The following RASEF variants were observed in gnomAD, a reference collection of about 807,000 sequenced individuals.
The protein encoded by RASEF is ras and EF-hand domain-containing protein.
RASEF carries 68 observed loss-of-function variants against 90.1 expected under a neutral mutation model. That is an observed-to-expected ratio of 0.75 (90% CI 0.62 to 0.92). RASEF has a LOEUF of 0.92. Ranked by LOEUF, RASEF falls within the 40% of genes least tolerant of loss-of-function variation. The pLI is 0.00. For missense variants in RASEF, 949 were observed against 937.2 expected (o/e 1.01, Z -0.16); for synonymous variants, 331 against 345.2 (o/e 0.96, Z 0.46).
chr9:83,062,774 C>G lies in RASEF; in HGVS notation c.94G>C (p.Glu32Gln). The G allele has an allele frequency of 1.3e-6, 2 of 1,559,186 alleles. No homozygotes were observed. The highest frequency in any genetic ancestry group is 1.7e-6 in the Non-Finnish European group (2 of 1,162,140). Reference sequence around the variant, plus strand: ...AGCTCCGTGCACAGTGCCCGGAACTCCTCGCGCTCCAGGCGCCCCGAGCGG... The same window carrying G: ...AGCTCCGTGCACAGTGCCCGGAACTGCTCGCGCTCCAGGCGCCCCGAGCGG... ...ANRSGRLERE[E>Q]FRALCTELRV... The change falls in exon 1 of 17, where the codon GAG (glutamate) becomes CAG (glutamine). Residue 32 changes from glutamate to glutamine, a missense_variant. By Grantham distance (29) the Glu-to-Gln change is conservative. Transcript: ENST00000376447.
In RASEF at chr9:83,062,941, C is replaced by T; in HGVS notation, c.-74G>A. 1 of 1,341,648 alleles carries T rather than the reference C, an allele frequency of 7.5e-7. No homozygotes were observed. The highest frequency in any genetic ancestry group is 9.6e-7 in the Non-Finnish European group (1 of 1,046,884). 83.1% of individuals were successfully genotyped at this position (1,341,648 alleles called of 1,614,324 possible). On this transcript the variant is annotated 5_prime_UTR_variant, in exon 1 of 17. Transcript: ENST00000376447. ...AGGGCCCTCCCTGGAAGGACGGGGC[C>T]ACCTGCTGCCGCCGGGAGGCCCGGC...
intron 1 of RASEF, among the ~76,000 whole-genome samples, chr9:83,042,165 G>A (rs1425211596): frequency 6.6e-6 from 1 of 151,792 alleles, no homozygotes; most frequent in Non-Finnish European, 1.5e-5. Context: ...ATACCCTCTG[G>A]GCAGCAAAAT....
intron 1 of RASEF, among the ~76,000 whole-genome samples, chr9:83,046,905 A>T (rs557912534): frequency 4.6e-4 from 70 of 152,352 alleles, no homozygotes; most frequent in African/African-American, 1.7e-3. Flanking sequence ...CGGATTTCAG[A>T]ATAAATAACT....
At chr9:83,218,106 G>C in the RASEF span, among the ~76,000 whole-genome samples, 1 of 152,164 alleles carries the variant, frequency 6.6e-6, no homozygotes, top group Non-Finnish European at 1.5e-5. Context: ...ACAGCTTACT[G>C]ATAAATGAGT....
chr9:83,164,418 G>A, the RASEF span, among the ~76,000 whole-genome samples: 3 of 146,482 alleles, frequency 2.0e-5, no homozygotes, highest in Non-Finnish European at 4.5e-5. Flanking sequence ...ATAAGGGATG[G>A]GAGGGAGAAA....
the RASEF span, among the ~76,000 whole-genome samples, chr9:83,209,863 T>C: frequency 1.3e-5 from 2 of 152,184 alleles, no homozygotes; most frequent in African/African-American, 2.4e-5. Flanking sequence ...TGACCCCTGT[T>C]TAGTGTTCTC....
chr9:83,174,758 G>T, the RASEF span, among the ~76,000 whole-genome samples: 1 of 152,094 alleles, frequency 6.6e-6, no homozygotes, highest in South Asian at 2.1e-4. Context: ...ATGAACATGA[G>T]ATGTCTTTCC....
intron 16 of RASEF, among the ~76,000 whole-genome samples, chr9:82,989,114 A>C (rs1828765900): frequency 6.6e-6 from 1 of 152,218 alleles, no homozygotes; most frequent in African/African-American, 2.4e-5. Flanking sequence ...AAGTGAGGGC[A>C]ACAGTTTATC....
At chr9:83,139,309 A>T in the RASEF span, among the ~76,000 whole-genome samples, 1 of 152,150 alleles carries the variant, frequency 6.6e-6, no homozygotes, top group Middle Eastern at 3.2e-3. Flanking sequence ...CTTGAACAAC[A>T]TGGGGGCTTG....
the RASEF span, among the ~76,000 whole-genome samples, chr9:83,127,517 G>A: frequency 6.6e-6 from 1 of 152,126 alleles, no homozygotes; most frequent in Non-Finnish European, 1.5e-5. Flanking sequence ...GAATGAGATT[G>A]AGAAACTGAG....
At chr9:82,996,973 C>T in intron 14 of RASEF, 39 bp downstream of exon 14, 1 of 1,207,078 alleles carries the variant, frequency 8.3e-7, no homozygotes, top group Non-Finnish European at 1.2e-6. Flanking sequence ...CCTAAAACTT[C>T]CTCGTGTAAT....
At chr9:83,054,813 G>A (rs1229115772) in intron 1 of RASEF, 2 of 151,082 alleles carry the variant, frequency 1.3e-5, no homozygotes, top group East Asian at 3.9e-4. Context: ...CGTGTGAGGT[G>A]TCAGTGTGCC....
the RASEF span, among the ~76,000 whole-genome samples, chr9:83,082,757 G>C: frequency 2.0e-5 from 3 of 152,098 alleles, no homozygotes; most frequent in Non-Finnish European, 4.4e-5. Flanking sequence ...TATTTGTTTT[G>C]ACAGTTTTTC....
chr9:83,055,469 G>A (rs1830086244), intron 1 of RASEF: 4 of 663,276 alleles, frequency 6.0e-6, no homozygotes, highest in East Asian at 2.9e-5. Context: ...AGATGAACCC[G>A]GTACCTCAGA....
At chr9:83,118,972 G>A in the RASEF span, among the ~76,000 whole-genome samples, 1 of 149,984 alleles carries the variant, frequency 6.7e-6, no homozygotes, top group Admixed American at 6.6e-5. Context: ...AAAAATCTTT[G>A]TAAAAAGAAG....
the RASEF span, among the ~76,000 whole-genome samples, chr9:83,217,642 T>A: frequency 6.6e-6 from 1 of 152,196 alleles, no homozygotes; most frequent in African/African-American, 2.4e-5. Flanking sequence ...TCCTTCGCCT[T>A]CCGCCATGAT....
chr9:83,141,291 G>T, the RASEF span, among the ~76,000 whole-genome samples: 1 of 152,066 alleles, frequency 6.6e-6, no homozygotes, highest in Non-Finnish European at 1.5e-5. Flanking sequence ...AGCAGAATTG[G>T]TGAGATCAGA....
the RASEF span, among the ~76,000 whole-genome samples, chr9:83,117,052 A>G: frequency 1.3e-5 from 2 of 152,250 alleles, no homozygotes. Context: ...TAAAAATTAT[A>G]AGGAAGAGAG....
chr9:83,059,014 C>A (rs572134208), intron 1 of RASEF, among the ~76,000 whole-genome samples: 2 of 152,192 alleles, frequency 1.3e-5, no homozygotes, highest in East Asian at 3.9e-4. Context: ...TGAGGCTGTC[C>A]CTCCTTTGGA....
Sources: allele counts gnomAD v4.1 joint callset (sites outside exome capture counted in the v4.1 genomes callset), GRCh38; gene constraint gnomAD v4.1.1; transcripts MANE v1.5; gene names NCBI Gene and HGNC (gene_info 2026-07-23, HGNC 2026-07-21).